Variants in KAZN observed in about 807,000 individuals in gnomAD.
KAZN encodes kazrin.
Under a neutral mutation model 87.4 loss-of-function variants are expected in KAZN, and 40 were observed. That is an observed-to-expected ratio of 0.46 (90% CI 0.36 to 0.60). KAZN has a LOEUF of 0.60. Ranked by LOEUF, KAZN falls within the 20% of genes least tolerant of loss-of-function variation. The pLI, the probability that KAZN is intolerant of heterozygous loss-of-function variation, is 0.00. For synonymous variants in KAZN, 466 were observed against 458.3 expected, an observed-to-expected ratio of 1.02 and a Z score of -0.22; for missense variants, 898 against 1,073.9, an observed-to-expected ratio of 0.84 and a Z score of 2.29.
intron 10 of KAZN, among the ~76,000 whole-genome samples, chr1:15,098,218 C>T (rs921184107): frequency 3.9e-5 from 6 of 152,194 alleles, no homozygotes; most frequent in Admixed American, 1.3e-4. Flanking sequence ...GAGTCTAATC[C>T]GGCTCCAGTT....
intron 2 of KAZN, among the ~76,000 whole-genome samples, chr1:14,369,565 C>T (rs1660302693): frequency 6.6e-6 from 1 of 152,186 alleles, no homozygotes; most frequent in Admixed American, 6.5e-5. Context: ...AAAGGGCAGA[C>T]TGGACGGGAC....
intron 1 of KAZN, among the ~76,000 whole-genome samples, chr1:14,148,784 C>G (rs1382199884): frequency 1.3e-5 from 2 of 152,134 alleles, no homozygotes; most frequent in Non-Finnish European, 2.9e-5. Context: ...AACCATTATG[C>G]TTGACTCCCC....
At chr1:14,284,209 T>C (rs1653066271) in intron 2 of KAZN, among the ~76,000 whole-genome samples, 1 of 152,176 alleles carries the variant, frequency 6.6e-6, no homozygotes, top group South Asian at 2.1e-4. Flanking sequence ...GCATAATTGA[T>C]TGTGGCTGCG....
chr1:14,119,028 C>CAAACAAACAAAAA lies in KAZN; in HGVS notation c.92-61400_92-61399insCAAAAAAAACAAA, dbSNP rs1178457042. The stretch of plus-strand genomic sequence containing the variant: ...CCTTAGAAAGCCTGTCATTGCAAAA[C>CAAACAAACAAAAA]AAACAAAAAAAACAAAAACAAAAAC... On this transcript the variant is annotated intron_variant, in intron 1 of 16. Coordinates refer to the KAZN transcript ENST00000636203. Among the ~76,000 whole-genome samples the CAAACAAACAAAAA allele has an allele frequency of 1.8e-3, 273 of 151,460 alleles. 2 individuals carry two copies. The highest frequency in any genetic ancestry group is 6.4e-3 in the African/African-American group (262 of 41,246).
In KAZN at chr1:14,979,061, T is replaced by C. The variant is rs568846160; in HGVS notation, c.418+18186T>C. Among the ~76,000 whole-genome samples the C allele has an allele frequency of 5.3e-5, 8 of 151,310 alleles. No homozygotes were observed. The South Asian group carries it at 1.3e-3, about 24-fold the overall frequency. On this transcript the variant is annotated intron_variant, in intron 2 of 14. Transcript: ENST00000376030. The stretch of plus-strand genomic sequence containing the variant: ...CTGGGATTACAGGCGCCTGCCACCA[T>C]GCCCAGCTAATTTTTGTATTTTTAG...
intron 1 of KAZN, among the ~76,000 whole-genome samples, chr1:14,891,163 A>G (rs191556095): frequency 1.3e-5 from 2 of 152,210 alleles, no homozygotes; most frequent in East Asian, 3.9e-4. Context: ...ATTTCTAAAA[A>G]TTTATTGTTT....
chr1:14,566,604 G>A (rs1232597594), intron 2 of KAZN, among the ~76,000 whole-genome samples: 3 of 152,154 alleles, frequency 2.0e-5, no homozygotes, highest in African/African-American at 7.2e-5. Flanking sequence ...CCAATATAAA[G>A]CTATTTCATC....
chr1:14,591,846 C>G (rs886385574), intron 2 of KAZN, among the ~76,000 whole-genome samples: 1 of 152,170 alleles, frequency 6.6e-6, no homozygotes, highest in African/African-American at 2.4e-5. Context: ...ACACTGAACG[C>G]ATAGATTTCC....
chr1:14,869,845 A>C (rs1411712174), intron 1 of KAZN, among the ~76,000 whole-genome samples: 4 of 152,170 alleles, frequency 2.6e-5, no homozygotes, highest in Non-Finnish European at 5.9e-5. Flanking sequence ...TGCTGGAAAA[A>C]TCCAGTGTTA....
intron 2 of KAZN, among the ~76,000 whole-genome samples, chr1:14,351,587 T>C (rs77171346): frequency 0.067 from 10,155 of 151,966 alleles, 523 homozygotes; most frequent in East Asian, 0.18. Flanking sequence ...AAACAAAACA[T>C]CAGAACCAAA....
intron 2 of KAZN, among the ~76,000 whole-genome samples, chr1:14,575,853 G>T (rs1320628203): frequency 6.6e-6 from 1 of 152,204 alleles, no homozygotes; most frequent in Non-Finnish European, 1.5e-5. Context: ...CTTCTGGGAT[G>T]AGGGGGACAG....
At chr1:14,440,405 G>A (rs796742870) in intron 2 of KAZN, among the ~76,000 whole-genome samples, 4 of 152,256 alleles carry the variant, frequency 2.6e-5, no homozygotes, top group African/African-American at 7.2e-5. Flanking sequence ...ATGAAGGATC[G>A]GGCGTGTTCT....
At chr1:14,401,816 A>G (rs1217549909) in intron 2 of KAZN, among the ~76,000 whole-genome samples, 1 of 152,152 alleles carries the variant, frequency 6.6e-6, no homozygotes, top group African/African-American at 2.4e-5. Context: ...CTTATTTATA[A>G]TTTAAAAAAT....
In KAZN at chr1:15,060,304, T is replaced by C; in HGVS notation, c.1047+2T>C. 2 of 1,614,066 alleles carry C rather than the reference T, an allele frequency of 1.2e-6. No individual in the cohort carries two copies. The highest frequency in any genetic ancestry group is 1.7e-6 in the Non-Finnish European group (2 of 1,179,944). The stretch of plus-strand genomic sequence containing the variant: ...CACCGGACACACTCCCTCTGCAACG[T>C]AAGGCCAGCAGCAGCGGGGCCTGGG... On this transcript the variant is annotated splice_donor_variant, in intron 6 of 14. Coordinates refer to ENST00000376030, the MANE Select transcript of KAZN (RefSeq NM_201628.3). LOFTEE classifies it high-confidence loss of function.
chr1:14,597,466 G>A (rs960135996), upstream of KAZN, among the ~76,000 whole-genome samples: 17 of 152,068 alleles, frequency 1.1e-4, no homozygotes, highest in African/African-American at 3.6e-4. Flanking sequence ...TGGTTTCTGC[G>A]GGCCCCTTAA....
intron 2 of KAZN, among the ~76,000 whole-genome samples, chr1:14,537,123 A>G (rs1890785): frequency 0.22 from 33,836 of 152,096 alleles, 3,921 homozygotes; most frequent in African/African-American, 0.26. Context: ...TGATGGATAA[A>G]TATCCACAAA....
rs1641884582 is a variant in KAZN at position 15,117,531 on chromosome 1, T to C, written c.*2896T>C. ...ACACAACAATCTGGACCCAATAAAG[T>C]GGAGAGAAGGGCGTCTCTACACAGC... On this transcript the variant is annotated 3_prime_UTR_variant, in exon 15 of 15. Transcript: ENST00000376030. 1 of 152,162 alleles carries C rather than the reference T, an allele frequency of 6.6e-6. No individual in the cohort carries two copies. Among genetic ancestry groups the C allele is most frequent in the Admixed American group, 6.5e-5 (1 of 15,276 alleles). 9.4% of individuals were successfully genotyped at this position (152,162 alleles called of 1,614,324 possible). A position where few individuals can be genotyped will look rare whatever the true frequency, so the allele number is the denominator to read the frequency against.
chr1:14,513,061 T>C (rs1671002403), intron 2 of KAZN, among the ~76,000 whole-genome samples: 2 of 152,178 alleles, frequency 1.3e-5, no homozygotes, highest in South Asian at 4.1e-4. Context: ...GATCTCTTTC[T>C]AGTTTGGTTT....
intron 2 of KAZN, among the ~76,000 whole-genome samples, chr1:14,420,427 T>C (rs1475713865): frequency 6.6e-6 from 1 of 152,180 alleles, no homozygotes; most frequent in African/African-American, 2.4e-5. Flanking sequence ...TGGCTTCACC[T>C]AGTGGATTCC....
Sources: allele counts gnomAD v4.1 joint callset (sites outside exome capture counted in the v4.1 genomes callset), GRCh38; gene constraint gnomAD v4.1.1; transcripts MANE v1.5; gene names NCBI Gene and HGNC (gene_info 2026-07-23, HGNC 2026-07-21).